The following BTG4 variants were observed in gnomAD, a reference collection of about 807,000 sequenced individuals.
BTG4 encodes the protein protein BTG4.
Under a neutral mutation model 19.3 loss-of-function variants are expected in BTG4, and 10 were observed. That is an observed-to-expected ratio of 0.52 (90% confidence interval 0.32 to 0.88). BTG4 has a LOEUF of 0.88. Among genes scored for constraint, BTG4 ranks in the 40% least tolerant of loss-of-function variants. The pLI is 0.04. For missense variants in BTG4, 238 were observed against 281.9 expected, an observed-to-expected ratio of 0.84 and a Z score of 1.11; for synonymous variants, 91 against 95.7, an observed-to-expected ratio of 0.95 and a Z score of 0.29.
rs114984010 is a variant in BTG4 at position 111,478,204 on chromosome 11, C to A, written c.663-10523G>T. The stretch of plus-strand genomic sequence containing the variant: ...CCATTGTCCAGTGATAATGAGGCCA[C>A]CCTGGCCTCAGTGTTAGTGGAAGCC... On this transcript the variant is annotated intron_variant, in intron 5 of 5. Transcript: ENST00000356018. Among the ~76,000 whole-genome samples, 9 of 152,242 alleles carry A rather than the reference C, an allele frequency of 5.9e-5. No individual in the cohort carries two copies. The Middle Eastern group carries it at 0.01, about 173-fold the overall frequency.
At chr11:111,437,281 T>C in the BTG4 span, among the ~76,000 whole-genome samples, 61,880 of 151,070 alleles carry the variant, frequency 0.41, 13,092 homozygotes, top group South Asian at 0.5. Flanking sequence ...ACGGGAGGAG[T>C]GTATTGATCT....
chr11:111,444,682 T>C, the BTG4 span, among the ~76,000 whole-genome samples: 7 of 152,172 alleles, frequency 4.6e-5, no homozygotes, highest in African/African-American at 1.7e-4. Context: ...CATAAATATA[T>C]ACACCTACTA....
chr11:111,435,470 C>T, the BTG4 span, among the ~76,000 whole-genome samples: 1 of 152,222 alleles, frequency 6.6e-6, no homozygotes, highest in Non-Finnish European at 1.5e-5. Flanking sequence ...GAGGACTTGG[C>T]TTGGCACCAC....
the BTG4 span, among the ~76,000 whole-genome samples, chr11:111,409,397 G>GT: frequency 6.6e-6 from 1 of 152,166 alleles, no homozygotes; most frequent in Non-Finnish European, 1.5e-5. Context: ...CAATGGGTGA[G>GT]TTCTTGCTCT....
At chr11:111,509,305 T>C (rs187163635) in intron 1 of BTG4, among the ~76,000 whole-genome samples, 1 of 152,336 alleles carries the variant, frequency 6.6e-6, no homozygotes, top group East Asian at 1.9e-4. Context: ...AGTTTCTAGG[T>C]ATACTATCAA....
At chr11:111,507,039 G>A (rs956880770) in intron 1 of BTG4, among the ~76,000 whole-genome samples, 21 of 151,780 alleles carry the variant, frequency 1.4e-4, no homozygotes, top group African/African-American at 4.3e-4. Context: ...TGAGGATTAT[G>A]TAAATTTTTT....
At chr11:111,477,929 G>A (rs1864493108) in intron 5 of BTG4, among the ~76,000 whole-genome samples, 1 of 152,128 alleles carries the variant, frequency 6.6e-6, no homozygotes, top group African/African-American at 2.4e-5. Flanking sequence ...TGCCAGTATG[G>A]ATCAAGTCAT....
At chr11:111,395,526 C>T in the BTG4 span, among the ~76,000 whole-genome samples, 1 of 152,228 alleles carries the variant, frequency 6.6e-6, no homozygotes, top group African/African-American at 2.4e-5. Flanking sequence ...TAGGGACATG[C>T]CTTCAAGCCT....
At chr11:111,404,832 C>G in the BTG4 span, 1 of 357,254 alleles carries the variant, frequency 2.8e-6, no homozygotes, top group Non-Finnish European at 5.5e-6. Context: ...CCCTTTATCT[C>G]TCATGGTCTA....
the BTG4 span, among the ~76,000 whole-genome samples, chr11:111,423,841 G>A: frequency 6.6e-6 from 1 of 152,166 alleles, no homozygotes; most frequent in Non-Finnish European, 1.5e-5. Context: ...GCTGTGAGCT[G>A]AGGACTGTTA....
At chr11:111,483,437 G>A (rs190287062) in intron 5 of BTG4, among the ~76,000 whole-genome samples, 36 of 152,174 alleles carry the variant, frequency 2.4e-4, no homozygotes, top group Admixed American at 1.6e-3. Context: ...TTCAAACAGG[G>A]AATCAGAATC....
intron 1 of BTG4, among the ~76,000 whole-genome samples, chr11:111,500,150 A>T (rs921547618): frequency 9.3e-5 from 14 of 150,256 alleles, no homozygotes; most frequent in South Asian, 2.1e-4. Flanking sequence ...TCAAAAAATA[A>T]AAATAAAAAT....
chr11:111,455,372 GT>G, the BTG4 span: 1 of 265,102 alleles, frequency 3.8e-6, no homozygotes, highest in East Asian at 8.7e-5. Flanking sequence ...AGGCAGGGTT[GT>G]CTCTGACCCA....
the BTG4 span, among the ~76,000 whole-genome samples, chr11:111,405,714 A>G: frequency 6.6e-6 from 1 of 152,234 alleles, no homozygotes; most frequent in Admixed American, 6.5e-5. Context: ...AAGAGGAAGT[A>G]TAGCGTGGCA....
At chr11:111,456,346 G>C in the BTG4 span, among the ~76,000 whole-genome samples, 1 of 152,086 alleles carries the variant, frequency 6.6e-6, no homozygotes, top group Non-Finnish European at 1.5e-5. This position sits in a 1 kb window ranked among gnomAD's most constrained non-coding sequence, Gnocchi z 4.2. Flanking sequence ...TACTGCTCTG[G>C]AGTTAGCAAA....
At chr11:111,464,804 C>T (rs1863623674), downstream of BTG4, 1 of 152,130 alleles carries the variant, frequency 6.6e-6, no homozygotes, top group Non-Finnish European at 1.5e-5. Flanking sequence ...CTCTCTACCC[C>T]CACACTAAAG....
the BTG4 span, among the ~76,000 whole-genome samples, chr11:111,432,855 C>CT: frequency 9.3e-5 from 14 of 150,162 alleles, no homozygotes; most frequent in East Asian, 5.8e-4. Context: ...AGTAATATAT[C>CT]TTTTTTTTTT....
intron 5 of BTG4, chr11:111,469,782 C>A (rs1177748073): frequency 6.6e-6 from 1 of 152,670 alleles, no homozygotes; most frequent in Non-Finnish European, 1.5e-5. Flanking sequence ...CTTCCCTTGA[C>A]CAAGGGCCTG....
the BTG4 span, among the ~76,000 whole-genome samples, chr11:111,391,931 A>G: frequency 6.6e-6 from 1 of 152,126 alleles, no homozygotes; most frequent in Admixed American, 6.5e-5. Context: ...CCTGGCTCTC[A>G]TTGCGTTCCA....
Sources: allele counts gnomAD v4.1 joint callset (sites outside exome capture counted in the v4.1 genomes callset), GRCh38; gene constraint gnomAD v4.1.1; non-coding constraint Gnocchi (gnomAD v3.1); transcripts MANE v1.5; gene names NCBI Gene and HGNC (gene_info 2026-07-23, HGNC 2026-07-21).